Variants in PCDH9 observed in about 807,000 individuals in gnomAD.
The protein encoded by PCDH9 is protocadherin 9, also known as protocadherin-9.
PCDH9 carries 24 observed loss-of-function variants against 70.6 expected under a neutral mutation model. The ratio of observed to expected loss-of-function variants is 0.34; its 90% CI spans 0.25 to 0.48. The LOEUF (loss-of-function observed/expected upper bound fraction) is 0.48. Among genes scored for constraint, PCDH9 ranks in the 20% least tolerant of loss-of-function variants. The pLI, the probability that PCDH9 is intolerant of heterozygous loss-of-function variation, is 0.99. For synonymous variants in PCDH9, 562 were observed against 558.5 expected, an observed-to-expected ratio of 1.01 and a Z score of -0.09; for missense variants, 1,281 against 1,503.6, an observed-to-expected ratio of 0.85 and a Z score of 2.45.
chr13:66,770,163 T>C (rs530028724), intron 3 of PCDH9, among the ~76,000 whole-genome samples: 5 of 152,108 alleles, frequency 3.3e-5, no homozygotes, highest in Admixed American at 1.3e-4. Flanking sequence ...TTACTATAGA[T>C]AGAAAAGATA....
At chr13:66,912,819 A>T (rs2082491167) in intron 2 of PCDH9, among the ~76,000 whole-genome samples, 1 of 152,048 alleles carries the variant, frequency 6.6e-6, no homozygotes, top group Non-Finnish European at 1.5e-5. Flanking sequence ...AATCTTTCTG[A>T]AAAAATATCC....
rs1594128925 is a variant in PCDH9 at position 66,838,375 on chromosome 13, A to T, written c.3138+65129T>A. ...TTAAAAATATTCAATTCTTTTTTTA[A>T]AAAAAAAATTCATTGTCAGTGCAGT... On this transcript the variant is annotated intron_variant, in intron 3 of 4. Transcript: ENST00000377865. Among the ~76,000 whole-genome samples, 9 of 151,522 alleles carry T rather than the reference A, an allele frequency of 5.9e-5. 2 individuals carry two copies. Among genetic ancestry groups the T allele is most frequent in the African/African-American group, 2.2e-4 (9 of 41,306 alleles).
At chr13:66,911,574 A>G (rs2082467231) in intron 2 of PCDH9, among the ~76,000 whole-genome samples, 1 of 152,192 alleles carries the variant, frequency 6.6e-6, no homozygotes, top group South Asian at 2.1e-4. Flanking sequence ...TGCTATGAGC[A>G]CGCACTGAAA....
chr13:67,220,175 A>C (rs878970251), intron 2 of PCDH9: 1 of 152,030 alleles, frequency 6.6e-6, no homozygotes, highest in Admixed American at 6.6e-5. Context: ...AAACAATCTA[A>C]ATAAGACAAC....
chr13:66,393,747 C>A (rs1957057759), intron 4 of PCDH9, among the ~76,000 whole-genome samples: 1 of 152,166 alleles, frequency 6.6e-6, no homozygotes, highest in South Asian at 2.1e-4. Flanking sequence ...AAGATAAGGA[C>A]TTGTTTCCAG....
rs535715828 is a variant in PCDH9 at position 66,409,580 on chromosome 13, T to A, written c.3341-104552A>T. On this transcript the variant is annotated intron_variant, in intron 4 of 4. Transcript: ENST00000377865. ...CATCTCTTTATCCCTAGGTGTTCCCTTAATTTGTCACCAGCACCGAAACTA... is the reference window on the plus strand; with the variant it reads ...CATCTCTTTATCCCTAGGTGTTCCCATAATTTGTCACCAGCACCGAAACTA... Among the ~76,000 whole-genome samples, 7 of 152,314 alleles carry A rather than the reference T, an allele frequency of 4.6e-5. No homozygotes were observed. The South Asian group carries it at 1.4e-3, about 32-fold the overall frequency.
chr13:66,929,999 T>G (rs2082780734), intron 2 of PCDH9, among the ~76,000 whole-genome samples: 1 of 152,120 alleles, frequency 6.6e-6, no homozygotes, highest in African/African-American at 2.4e-5. Context: ...AACAGAGAAT[T>G]TTATCTCTGC....
intron 2 of PCDH9, among the ~76,000 whole-genome samples, chr13:67,068,110 T>C (rs1048658066): frequency 6.6e-6 from 1 of 152,088 alleles, no homozygotes; most frequent in African/African-American, 2.4e-5. Context: ...TTTCTAACTA[T>C]ACAGGGTAAA....
intron 3 of PCDH9, among the ~76,000 whole-genome samples, chr13:66,844,575 ACT>A (rs1454455229): frequency 7.0e-6 from 1 of 142,012 alleles, no homozygotes; most frequent in East Asian, 2.1e-4. Context: ...ACAGGGCGAG[ACT>A]CTGTCTCAAA....
chr13:66,773,792 T>A (rs1050466797), intron 3 of PCDH9, among the ~76,000 whole-genome samples: 1 of 151,718 alleles, frequency 6.6e-6, no homozygotes, highest in African/African-American at 2.4e-5. Flanking sequence ...TTTCTTTTTT[T>A]TTTTAGACGG....
chr13:66,860,526 T>A (rs928362232), intron 3 of PCDH9, among the ~76,000 whole-genome samples: 1 of 152,204 alleles, frequency 6.6e-6, no homozygotes, highest in African/African-American at 2.4e-5. Flanking sequence ...ATTCCAAAGC[T>A]GTCAGCTTGC....
intron 2 of PCDH9, among the ~76,000 whole-genome samples, chr13:67,062,430 A>G (rs997132512): frequency 1.2e-4 from 19 of 152,178 alleles, no homozygotes; most frequent in African/African-American, 4.3e-4. Flanking sequence ...AGGATGCAAG[A>G]TTTCTTTCAC....
intron 2 of PCDH9, among the ~76,000 whole-genome samples, chr13:67,105,529 G>A (rs1022319434): frequency 7.9e-5 from 12 of 152,220 alleles, no homozygotes; most frequent in African/African-American, 2.9e-4. Context: ...AAACATGCCT[G>A]TGAAATAAAT....
At chr13:66,724,982 C>G (rs957746938) in intron 3 of PCDH9, among the ~76,000 whole-genome samples, 3 of 152,068 alleles carry the variant, frequency 2.0e-5, no homozygotes, top group African/African-American at 7.2e-5. Context: ...GCTGATGACT[C>G]CCAATATCAT....
chr13:66,531,355 G>C (rs189124596), intron 4 of PCDH9, among the ~76,000 whole-genome samples: 116 of 152,182 alleles, frequency 7.6e-4, no homozygotes, highest in Non-Finnish European at 1.2e-3. Flanking sequence ...TAATCACAAT[G>C]GATTGCCATG....
intron 2 of PCDH9, among the ~76,000 whole-genome samples, chr13:67,198,962 T>C (rs1235644917): frequency 6.6e-6 from 1 of 151,740 alleles, no homozygotes; most frequent in African/African-American, 2.4e-5. Flanking sequence ...GCTATTTCTA[T>C]TCAAAAATTT....
chr13:67,157,470 C>A (rs971336018), intron 2 of PCDH9, among the ~76,000 whole-genome samples: 1 of 152,024 alleles, frequency 6.6e-6, no homozygotes, highest in African/African-American at 2.4e-5. Flanking sequence ...TTCCTTTTTA[C>A]CCAGAAGCTT....
intron 3 of PCDH9, among the ~76,000 whole-genome samples, chr13:66,849,517 T>TATATATAGAGAGAGAGAGAGAGAG (rs1272589939): frequency 6.3e-5 from 4 of 63,582 alleles, no homozygotes; most frequent in African/African-American, 2.5e-4. Flanking sequence ...TATATATATA[T>TATATATAGAGAGAGAGAGAGAGAG]AGAGAGAGAG....
chr13:67,084,494 A>G (rs1441086722), intron 2 of PCDH9, among the ~76,000 whole-genome samples: 1 of 151,666 alleles, frequency 6.6e-6, no homozygotes, highest in Admixed American at 6.6e-5. Flanking sequence ...CCAAAACCAT[A>G]CTCCTTCCTT....
Sources: allele counts gnomAD v4.1 joint callset (sites outside exome capture counted in the v4.1 genomes callset), GRCh38; gene constraint gnomAD v4.1.1; transcripts MANE v1.5; gene names NCBI Gene and HGNC (gene_info 2026-07-23, HGNC 2026-07-21).